The following POMGNT1 variants were observed in gnomAD, a reference collection of about 807,000 sequenced individuals.
POMGNT1 encodes protein O-linked mannose N-acetylglucosaminyltransferase 1 (beta 1,2-).
In POMGNT1, 67 loss-of-function variants were observed where a neutral mutation model predicts 95.6. That is an observed-to-expected ratio of 0.70 (90% CI 0.58 to 0.86). The LOEUF (loss-of-function observed/expected upper bound fraction) is 0.86, where lower values mean the gene tolerates loss of function less well. POMGNT1 is among the 40% of genes least tolerant of loss of function. The pLI is 0.00. For synonymous variants in POMGNT1, 298 were observed against 317.9 expected, an observed-to-expected ratio of 0.94 and a Z score of 0.66; for missense variants, 719 against 855.2, an observed-to-expected ratio of 0.84 and a Z score of 1.99.
rs1195736220 is a variant in POMGNT1 at position 46,193,360 on chromosome 1, C to G, written c.1055G>C (p.Gly352Ala). ...EEPMDVVALFGLRGIQHTPIS... is the reference protein window; with the variant it reads ...EEPMDVVALFALRGIQHTPIS... ...GGGAGTATGCTGGATGCCCCTCAGA[C>G]CAAACAGTGCCACCACATCCATGGG... Residue 352 changes from glycine to alanine, a missense_variant, in exon 12 of 22, where the codon GGT (glycine) becomes GCT (alanine). Coordinates refer to ENST00000371984, the MANE Select transcript of POMGNT1 (RefSeq NM_017739.4). The G allele has an allele frequency of 1.2e-6, 2 of 1,613,252 alleles. No individual in the cohort carries two copies. Among genetic ancestry groups the G allele is most frequent in the Admixed American group, 3.3e-5 (2 of 59,846 alleles).
At chr1:46,200,292 A>G (rs1316006994), upstream of POMGNT1, among the ~76,000 whole-genome samples, 1 of 152,208 alleles carries the variant, frequency 6.6e-6, no homozygotes, top group African/African-American at 2.4e-5. Flanking sequence ...TTACCAATCT[A>G]GATGCCCAAA....
At chr1:46,216,500 C>A (rs768150574) in intron 1 of POMGNT1, among the ~76,000 whole-genome samples, 1 of 152,058 alleles carries the variant, frequency 6.6e-6, no homozygotes, top group Non-Finnish European at 1.5e-5. Flanking sequence ...TACCACCACA[C>A]CTGACTAATT....
In POMGNT1 at chr1:46,196,704, C is replaced by T; in HGVS notation, c.354+27G>A. On this transcript the variant is annotated intron_variant, in intron 4 of 21. Transcript: ENST00000371984. This position sits in a 1 kb window ranked among gnomAD's most constrained non-coding sequence, Gnocchi z 4.4. ...CCATGCCCTGAGCAGAATAGAGTGA[C>T]TGTACACCAGACCCTGGCCCACTGA... is the stretch of plus-strand genomic sequence containing the variant. 1 of 1,613,988 alleles carries T rather than the reference C, an allele frequency of 6.2e-7. No homozygotes were observed. Among genetic ancestry groups the T allele is most frequent in the South Asian group, 1.1e-5 (1 of 91,090 alleles).
Position 46,189,104 on chromosome 1 carries a change from G to A in POMGNT1, c.*166C>T. On this transcript the variant is annotated 3_prime_UTR_variant, in exon 22 of 22. Transcript: ENST00000371984. The stretch of plus-strand genomic sequence containing the variant: ...TAGACTTTTAACTCAGGAACGGGGT[G>A]TTGGAGCAGGGGAACCCTCCCCTTG... The A allele has an allele frequency of 4.7e-6, 7 of 1,498,866 alleles. No homozygotes were observed. Among genetic ancestry groups the A allele is most frequent in the African/African-American group, 1.4e-5 (1 of 71,542 alleles). 92.8% of individuals were successfully genotyped at this position (1,498,866 alleles called of 1,614,324 possible).
intron 10 of POMGNT1, 39 bp downstream of exon 10, chr1:46,193,816 T>A: frequency 6.2e-7 from 1 of 1,612,476 alleles, no homozygotes; most frequent in Non-Finnish European, 8.5e-7. Flanking sequence ...CTAAGCACCC[T>A]CCTGTTCAGT....
chr1:46,199,536 G>A (rs1370876316), upstream of POMGNT1, among the ~76,000 whole-genome samples: 1 of 152,236 alleles, frequency 6.6e-6, no homozygotes, highest in Non-Finnish European at 1.5e-5. Flanking sequence ...CTGGGGCAGG[G>A]TGGGATTTTG....
At chr1:46,194,689 A>C (rs1403666723) in intron 7 of POMGNT1, 38 bp from the exon 8 acceptor site, 1 of 1,614,126 alleles carries the variant, frequency 6.2e-7, no homozygotes, top group African/African-American at 1.3e-5. Flanking sequence ...GGGGGCCCAG[A>C]CACCAGTTTG....
intron 2 of POMGNT1, 86 bp downstream of exon 2, chr1:46,197,616 G>A: frequency 6.3e-7 from 1 of 1,593,504 alleles, no homozygotes; most frequent in Non-Finnish European, 8.6e-7. Flanking sequence ...ACTGGGGCTG[G>A]CCAACAGGGG....
intron 1 of POMGNT1, chr1:46,219,692 C>A (rs749786411): frequency 1.9e-6 from 3 of 1,573,152 alleles, no homozygotes; most frequent in East Asian, 4.5e-5. Context: ...TTCTCCCACT[C>A]CCCCAGGCTT....
In POMGNT1 at chr1:46,219,789, C is replaced by T. The variant is rs776263232; in HGVS notation, c.-135G>A. On this transcript the variant is annotated 5_prime_UTR_variant, in exon 1 of 23. Coordinates refer to the POMGNT1 transcript ENST00000371992. ...GGCAGTGCGCTGGCTGTTGGAGGAG[C>T]GGGGGACGTTGACCAGTCATTGCAG... The T allele has an allele frequency of 1.2e-5, 20 of 1,614,144 alleles. No homozygotes were observed. The highest frequency in any genetic ancestry group is 8.9e-5 in the East Asian group (4 of 44,890).
chr1:46,198,542 T>TGGCGGCAGC (rs1553164443), upstream of POMGNT1: 33 of 76,458 alleles, frequency 4.3e-4, 2 homozygotes, highest in South Asian at 6.6e-3. Flanking sequence ...GCGGCGGCGG[T>TGGCGGCAGC]GGCGGCAGCG....
chr1:46,194,466 ACAAT>A, intron 8 of POMGNT1, 65 bp from the exon 9 acceptor site: 1 of 1,614,118 alleles, frequency 6.2e-7, no homozygotes, highest in Non-Finnish European at 8.5e-7. Context: ...CCCCAGGCAC[ACAAT>A]CAAAGGAATA....
At position 46,194,954 on chromosome 1, in the gene POMGNT1, C is replaced by T; in HGVS notation, c.542G>A (p.Gly181Asp). 2 of 1,614,070 alleles carry T rather than the reference C, an allele frequency of 1.2e-6. No homozygotes were observed. The highest frequency in any genetic ancestry group is 8.5e-7 in the Non-Finnish European group (1 of 1,180,034). ...RVLICTVKDE[G>D]SFHLKDTAKA... is the part of the protein sequence containing the mutation. ...GGCTGTGTCCTTGAGGTGGAAGGAG[C>T]CCTCATCCTGGGGGACCAGAGAAGG... The change falls in exon 7 of 22, where the codon GGC (glycine) becomes GAC (aspartate). Residue 181 changes from glycine to aspartate, a missense_variant. Physicochemically the swap from Gly to Asp is moderately conservative, Grantham distance 94 (BLOSUM62 -1). This residue lies in a region of POMGNT1 where 466 missense variants were observed against 517.4 expected (regional missense o/e 0.90). Coordinates refer to ENST00000371984, the MANE Select transcript of POMGNT1 (RefSeq NM_017739.4).
chr1:46,212,072 A>C (rs1658914296), intron 1 of POMGNT1, among the ~76,000 whole-genome samples: 1 of 152,030 alleles, frequency 6.6e-6, no homozygotes, highest in Non-Finnish European at 1.5e-5. Context: ...TCAATGTACA[A>C]ATATTAATGC....
In POMGNT1 at chr1:46,189,112, A is replaced by T; in HGVS notation, c.*158T>A. On this transcript the variant is annotated 3_prime_UTR_variant, in exon 22 of 22. Coordinates refer to ENST00000371984, the MANE Select transcript of POMGNT1 (RefSeq NM_017739.4). Reference sequence around the variant, plus strand: ...TAACTCAGGAACGGGGTGTTGGAGCAGGGGAACCCTCCCCTTGGAGTTAGT... The same window carrying T: ...TAACTCAGGAACGGGGTGTTGGAGCTGGGGAACCCTCCCCTTGGAGTTAGT... The T allele has an allele frequency of 2.7e-6, 4 of 1,496,208 alleles. No homozygotes were observed. In the Admixed American group the frequency reaches 9.7e-5, roughly 36 times the overall value. 92.7% of individuals were successfully genotyped at this position (1,496,208 alleles called of 1,614,324 possible).
intron 1 of POMGNT1, among the ~76,000 whole-genome samples, chr1:46,204,917 C>T (rs1658663857): frequency 6.6e-6 from 1 of 152,216 alleles, no homozygotes; most frequent in Non-Finnish European, 1.5e-5. Context: ...ATGATGCTCT[C>T]TTCATCTCCA....
chr1:46,206,196 C>T (rs995169980), intron 1 of POMGNT1, among the ~76,000 whole-genome samples: 2 of 152,364 alleles, frequency 1.3e-5, no homozygotes, highest in South Asian at 4.1e-4. Flanking sequence ...AGTCTTGGCT[C>T]TGCTTCTGAA....
At chr1:46,216,110 G>A (rs1375014786) in intron 1 of POMGNT1, among the ~76,000 whole-genome samples, 3 of 128,234 alleles carry the variant, frequency 2.3e-5, no homozygotes, top group Non-Finnish European at 4.7e-5. Context: ...GCAGTGGCGC[G>A]ATCTCGGCTC....
chr1:46,194,704 C>A, intron 7 of POMGNT1, 53 bp from the exon 8 acceptor site: 1 of 1,614,172 alleles, frequency 6.2e-7, no homozygotes, highest in Non-Finnish European at 8.5e-7. Flanking sequence ...AGTTTGGGGG[C>A]TTTTTCCCAT....
Sources: allele counts gnomAD v4.1 joint callset (sites outside exome capture counted in the v4.1 genomes callset), GRCh38; gene constraint gnomAD v4.1.1; regional missense constraint gnomAD v4.1.1; non-coding constraint Gnocchi (gnomAD v3.1); transcripts MANE v1.5; gene names NCBI Gene and HGNC (gene_info 2026-07-23, HGNC 2026-07-21).